NUDT2: variants seen among roughly 807,000 people sequenced by gnomAD.
NUDT2 encodes nudix hydrolase 2, also known as bis(5'-nucleosyl)-tetraphosphatase [asymmetrical].
In NUDT2, 12 loss-of-function variants were observed where a neutral mutation model predicts 14.2. That is an observed-to-expected ratio of 0.84 (90% CI 0.54 to 1.37). The LOEUF is 1.37. Ranked by LOEUF, NUDT2 falls within the 40% of genes most tolerant of loss-of-function variation. The pLI is 0.00. For missense variants in NUDT2, 167 were observed against 176.7 expected (o/e 0.95, Z 0.31); for synonymous variants, 67 against 67.4 (o/e 0.99, Z 0.03).
At chr9:34,338,134 A>C (rs1330365474) in intron 2 of NUDT2, among the ~76,000 whole-genome samples, 2 of 143,518 alleles carry the variant, frequency 1.4e-5, no homozygotes, top group Non-Finnish European at 3.0e-5. Context: ...CAGTCTAGGC[A>C]ACATAGTAAG....
chr9:34,332,366 T>G (rs1837965380), intron 1 of NUDT2, among the ~76,000 whole-genome samples: 1 of 152,218 alleles, frequency 6.6e-6, no homozygotes, highest in Non-Finnish European at 1.5e-5. Context: ...CCTTTCCATC[T>G]TACGTTGCAC....
At chr9:34,333,586 G>GC (rs1325137743) in intron 1 of NUDT2, among the ~76,000 whole-genome samples, 1 of 134,140 alleles carries the variant, frequency 7.5e-6, no homozygotes, top group African/African-American at 2.8e-5. Context: ...TCTTGAGGCT[G>GC]CAGTGAGCTG....
At chr9:34,331,206 C>T (rs1587986396) in intron 1 of NUDT2, among the ~76,000 whole-genome samples, 1 of 152,250 alleles carries the variant, frequency 6.6e-6, no homozygotes, top group Non-Finnish European at 1.5e-5. Context: ...CTGTGGTGAA[C>T]AGTGTTGAGC....
At chr9:34,334,975 G>A (rs1035565105) in intron 1 of NUDT2, among the ~76,000 whole-genome samples, 4 of 152,186 alleles carry the variant, frequency 2.6e-5, no homozygotes, top group African/African-American at 9.7e-5. Flanking sequence ...ACAGAGCAGG[G>A]TACCAGGCAT....
chr9:34,330,096 A>C (rs905283169), intron 1 of NUDT2, among the ~76,000 whole-genome samples: 3 of 152,260 alleles, frequency 2.0e-5, no homozygotes, highest in African/African-American at 7.2e-5. Flanking sequence ...ACAAACAAAC[A>C]AAAAAGGGAC....
intron 1 of NUDT2, among the ~76,000 whole-genome samples, chr9:34,332,839 T>C (rs556732495): frequency 6.6e-6 from 1 of 152,352 alleles, no homozygotes; most frequent in South Asian, 2.1e-4. Flanking sequence ...TGCATTTCTT[T>C]CTTTTTTCTT....
intron 1 of NUDT2, among the ~76,000 whole-genome samples, chr9:34,330,244 A>G (rs536308489): frequency 3.0e-4 from 46 of 152,228 alleles, no homozygotes; most frequent in Middle Eastern, 3.4e-3. Flanking sequence ...TCTACTAAAC[A>G]AAATACAAAA....
intron 1 of NUDT2, among the ~76,000 whole-genome samples, chr9:34,330,400 G>A (rs1372596692): frequency 6.6e-6 from 1 of 152,118 alleles, no homozygotes; most frequent in Non-Finnish European, 1.5e-5. Context: ...GCGAGACTCC[G>A]TCTCAAAAAC....
At chr9:34,342,082 G>A (rs749751735) in intron 4 of NUDT2, among the ~76,000 whole-genome samples, 19 of 152,224 alleles carry the variant, frequency 1.2e-4, no homozygotes, top group Non-Finnish European at 2.1e-4. Flanking sequence ...AGAGCTTCAA[G>A]TTCTCCTACA....
chr9:34,334,546 A>G (rs1259747765), intron 1 of NUDT2, among the ~76,000 whole-genome samples: 1 of 151,936 alleles, frequency 6.6e-6, no homozygotes, highest in Non-Finnish European at 1.5e-5. Flanking sequence ...AAAACAGAAA[A>G]CCCCCAACAA....
intron 4 of NUDT2, among the ~76,000 whole-genome samples, chr9:34,341,894 G>C (rs1820194502): frequency 6.6e-6 from 1 of 152,202 alleles, no homozygotes; most frequent in African/African-American, 2.4e-5. Flanking sequence ...AAACCAAGGA[G>C]AGAACAACTG....
intron 4 of NUDT2, among the ~76,000 whole-genome samples, chr9:34,342,084 TCTC>T (rs775131601): frequency 1.3e-5 from 2 of 152,140 alleles, no homozygotes; most frequent in East Asian, 1.9e-4. Flanking sequence ...AGCTTCAAGT[TCTC>T]CTACAGCAGT....
intron 4 of NUDT2, among the ~76,000 whole-genome samples, chr9:34,339,580 C>T (rs117382397): frequency 4.6e-5 from 7 of 152,278 alleles, no homozygotes; most frequent in African/African-American, 9.6e-5. Context: ...CAGTGGCACA[C>T]GCCTATAATC....
intron 1 of NUDT2, among the ~76,000 whole-genome samples, chr9:34,330,633 A>C (rs1225922497): frequency 6.6e-6 from 1 of 152,156 alleles, no homozygotes; most frequent in Non-Finnish European, 1.5e-5. Flanking sequence ...AAGGTAAAGC[A>C]CTTGACACAA....
chr9:34,332,254 T>G lies in NUDT2; in HGVS notation c.-265+2655T>G, dbSNP rs954741972. Among the ~76,000 whole-genome samples the G allele has an allele frequency of 1.9e-4, 29 of 152,338 alleles. 1 individual carries two copies. Among genetic ancestry groups the G allele is most frequent in the Non-Finnish European group, 4.4e-5 (3 of 68,024 alleles). The stretch of plus-strand genomic sequence containing the variant: ...AGGGTGTTGCCCACACTCCTCCCTT[T>G]GCTGGCAGTGCCTTGCATCCGCCTC... On this transcript the variant is annotated intron_variant, in intron 1 of 4. Coordinates refer to ENST00000379158, the MANE Select transcript of NUDT2 (RefSeq NM_001161.5).
chr9:34,343,161 C>T lies in NUDT2; in HGVS notation c.165C>T (p.Ala55=), dbSNP rs376597896. The change falls in exon 5 of 5, where the codon GCC becomes GCT. Residue 55 remains alanine, a synonymous_variant. Transcript: ENST00000379158. ...VEPGEDDLET[A]LRETQEEAGI... Reference sequence around the variant, plus strand: ...CAGGAGAGGATGACTTGGAAACAGCCCTGAGGGAGACCCAAGAGGAAGCAG... The same window carrying T: ...CAGGAGAGGATGACTTGGAAACAGCTCTGAGGGAGACCCAAGAGGAAGCAG... The T allele has an allele frequency of 2.3e-5, 37 of 1,613,846 alleles. 1 individual carries two copies. Among genetic ancestry groups the T allele is most frequent in the South Asian group, 1.6e-4 (15 of 91,088 alleles).
intron 4 of NUDT2, among the ~76,000 whole-genome samples, chr9:34,342,734 T>C (rs1302922259): frequency 2.0e-5 from 3 of 152,026 alleles, no homozygotes; most frequent in Non-Finnish European, 4.4e-5. Flanking sequence ...AGTCACTGAA[T>C]GGCTGGGTGT....
chr9:34,338,871 C>T, intron 3 of NUDT2, 24 bp downstream of exon 3: 1 of 565,798 alleles, frequency 1.8e-6, no homozygotes, highest in Non-Finnish European at 3.1e-6. Context: ...TCCTGGATGC[C>T]TTCCATTGGT....
chr9:34,340,736 A>G (rs1014560369), intron 4 of NUDT2, among the ~76,000 whole-genome samples: 3 of 152,134 alleles, frequency 2.0e-5, no homozygotes, highest in African/African-American at 7.2e-5. Context: ...GGCCATTGGG[A>G]TGGTTTGAGT....
Sources: allele counts gnomAD v4.1 joint callset (sites outside exome capture counted in the v4.1 genomes callset), GRCh38; gene constraint gnomAD v4.1.1; transcripts MANE v1.5; gene names NCBI Gene and HGNC (gene_info 2026-07-23, HGNC 2026-07-21).